TSNARE1: variants seen among roughly 807,000 people sequenced by gnomAD.
TSNARE1 encodes the protein t-SNARE domain-containing protein 1.
In TSNARE1, 49 loss-of-function variants were observed where a neutral mutation model predicts 62.0. That is an observed-to-expected ratio of 0.79 (90% CI 0.63 to 1.00). The LOEUF is 1.00. Among genes scored for constraint, TSNARE1 ranks in the 50% least tolerant of loss-of-function variants. TSNARE1 has a pLI of 0.00. For synonymous variants in TSNARE1, 328 were observed against 294.4 expected (o/e 1.11, Z -1.17); for missense variants, 755 against 700.1 (o/e 1.08, Z -0.88).
Position 142,314,397 on chromosome 8 carries a change from CT to C in TSNARE1, c.1117del (p.Arg373GlyfsTer64). On this transcript the variant is annotated frameshift_variant, in exon 9 of 14. Coordinates refer to ENST00000524325, the MANE Select transcript of TSNARE1 (RefSeq NM_145003.5). LOFTEE classifies it high-confidence loss of function. ...KSRALLPMAQ[R>X]GSKQSPQAPF... ...CTCGGCACCCACCTGTTTACTGCCCCTCTGCGCCATGGGAAGCAGCGCTCTG... is the reference window on the plus strand; with the variant it reads ...CTCGGCACCCACCTGTTTACTGCCCCCTGCGCCATGGGAAGCAGCGCTCTG... 6.2e-7 allele frequency: 1 copy of C among 1,614,002 alleles called. No individual in the cohort carries two copies. Among genetic ancestry groups the C allele is most frequent in the Non-Finnish European group, 8.5e-7 (1 of 1,179,956 alleles).
At chr8:142,289,982 C>A (rs928119833) in intron 10 of TSNARE1, among the ~76,000 whole-genome samples, 6 of 152,194 alleles carry the variant, frequency 3.9e-5, no homozygotes, top group African/African-American at 1.2e-4. Context: ...AGGCAGGCAG[C>A]TAGCATGGGT....
chr8:142,343,231 G>A (rs1014363528), intron 4 of TSNARE1, among the ~76,000 whole-genome samples: 5 of 152,308 alleles, frequency 3.3e-5, no homozygotes, highest in Middle Eastern at 3.4e-3. Context: ...ACAGGGCGGC[G>A]CCAGCCTGTA....
chr8:142,269,537 C>G, intron 12 of TSNARE1: 1 of 984,302 alleles, frequency 1.0e-6, no homozygotes, highest in Non-Finnish European at 1.2e-6. Context: ...CTATGCTGTC[C>G]AGGCTGGTCT....
chr8:142,315,187 T>A, intron 7 of TSNARE1, 95 bp from the exon 8 acceptor site: 1 of 1,255,746 alleles, frequency 8.0e-7, no homozygotes, highest in Admixed American at 1.9e-5. Context: ...ATGTCCCACC[T>A]TCCCACACTC....
At chr8:142,324,720 T>C (rs1474077136) in intron 6 of TSNARE1, among the ~76,000 whole-genome samples, 1 of 151,902 alleles carries the variant, frequency 6.6e-6, no homozygotes, top group Non-Finnish European at 1.5e-5. Context: ...AGAGGTAGGG[T>C]CAGGACCAGC....
chr8:142,289,594 G>C (rs1056892146), intron 10 of TSNARE1, among the ~76,000 whole-genome samples: 4 of 152,154 alleles, frequency 2.6e-5, no homozygotes, highest in Admixed American at 2.6e-4. Flanking sequence ...GGATGGGGCA[G>C]GGTGCACCCT....
intron 12 of TSNARE1, among the ~76,000 whole-genome samples, chr8:142,230,628 C>G (rs1466860674): frequency 6.6e-6 from 1 of 152,106 alleles, no homozygotes; most frequent in African/African-American, 2.4e-5. Flanking sequence ...GAGTCAAAAC[C>G]AGAAGGTGGA....
chr8:142,363,457 C>A (rs1038697433), intron 1 of TSNARE1, among the ~76,000 whole-genome samples: 2 of 152,162 alleles, frequency 1.3e-5, no homozygotes, highest in African/African-American at 4.8e-5. Flanking sequence ...CTCCCCAGCC[C>A]CATGAGCCTG....
intron 1 of TSNARE1, among the ~76,000 whole-genome samples, chr8:142,388,550 C>CTT (rs71313221): frequency 0.025 from 1,667 of 67,472 alleles, 2 homozygotes; most frequent in Non-Finnish European, 0.03. Flanking sequence ...AAAACAAAAT[C>CTT]TTTTTTTTTT....
intron 12 of TSNARE1, among the ~76,000 whole-genome samples, chr8:142,259,063 C>A (rs1203708617): frequency 6.6e-6 from 1 of 152,234 alleles, no homozygotes; most frequent in African/African-American, 2.4e-5. Context: ...GCAGCTGAGG[C>A]GTGGCACAGC....
At chr8:142,336,804 A>C (rs1831822469) in intron 4 of TSNARE1, among the ~76,000 whole-genome samples, 1 of 152,246 alleles carries the variant, frequency 6.6e-6, no homozygotes, top group South Asian at 2.1e-4. Context: ...ATAATCGCTG[A>C]AATCATACAA....
rs532319649 is a variant in TSNARE1, at chr8:142,333,914, T to G, written c.746-2083A>C. Among the ~76,000 whole-genome samples, 20 of 152,260 alleles carry G rather than the reference T, an allele frequency of 1.3e-4. No homozygotes were observed. The East Asian group carries it at 3.9e-3, about 29-fold the overall frequency. On this transcript the variant is annotated intron_variant, in intron 4 of 13. Transcript: ENST00000524325. ...CACCCACCACCCCTCGATGTCACCA[T>G]GGCCCAGCCTAGCAAGGTCAAGCCA...
At chr8:142,353,916 G>C (rs1484091806) in intron 2 of TSNARE1, among the ~76,000 whole-genome samples, 1 of 152,222 alleles carries the variant, frequency 6.6e-6, no homozygotes, top group Non-Finnish European at 1.5e-5. Flanking sequence ...AGAGAGGTAC[G>C]CAAAGAGCTT....
At chr8:142,302,738 T>C (rs1825987440) in intron 9 of TSNARE1, among the ~76,000 whole-genome samples, 1 of 152,086 alleles carries the variant, frequency 6.6e-6, no homozygotes, top group Admixed American at 6.5e-5. Context: ...CCTGCCTAGG[T>C]GTCGCCCTAG....
chr8:142,391,361 C>T (rs553409717), intron 1 of TSNARE1, among the ~76,000 whole-genome samples: 6 of 151,206 alleles, frequency 4.0e-5, no homozygotes, highest in East Asian at 2.0e-4. Flanking sequence ...CTGTAACAGA[C>T]GCTGTACACT....
At chr8:142,354,886 T>G in intron 1 of TSNARE1, 123 bp from the exon 2 acceptor site, 7 of 585,026 alleles carry the variant, frequency 1.2e-5, no homozygotes, top group Admixed American at 3.0e-5. Context: ...ATTGTACCCA[T>G]TCCCTAGGCT....
intron 1 of TSNARE1, among the ~76,000 whole-genome samples, chr8:142,394,376 C>T (rs1195991973): frequency 6.6e-6 from 1 of 152,202 alleles, no homozygotes; most frequent in Non-Finnish European, 1.5e-5. Flanking sequence ...GGAGTGAAAG[C>T]AGTAGCTACA....
At chr8:142,264,444 G>C (rs1819037285) in intron 12 of TSNARE1, among the ~76,000 whole-genome samples, 1 of 152,218 alleles carries the variant, frequency 6.6e-6, no homozygotes, top group African/African-American at 2.4e-5. Context: ...CATCCGTGAA[G>C]TTCAGCGCTG....
At chr8:142,359,237 G>A (rs939041218) in intron 1 of TSNARE1, among the ~76,000 whole-genome samples, 9 of 152,026 alleles carry the variant, frequency 5.9e-5, no homozygotes, top group African/African-American at 1.7e-4. Flanking sequence ...CTCAGAGCCC[G>A]ATGCTTACCA....
Sources: gnomAD v4.1 joint callset for allele counts (sites outside exome capture counted in the v4.1 genomes callset) on GRCh38, gnomAD v4.1.1 for gene constraint, MANE v1.5 for transcripts, NCBI Gene and HGNC (gene_info 2026-07-23, HGNC 2026-07-21) for gene names.